Variants in CDH4 observed in about 807,000 individuals in gnomAD.
CDH4 encodes cadherin-4.
A neutral mutation model predicts 86.0 loss-of-function variants in CDH4; 33 were observed. The ratio of observed to expected loss-of-function variants is 0.38; its 90% CI spans 0.29 to 0.51. CDH4 has a LOEUF of 0.51. Among genes scored for constraint, CDH4 ranks in the 20% least tolerant of loss-of-function variants. The pLI is 0.86. For missense variants in CDH4, 1,114 were observed against 1,307.4 expected (o/e 0.85, Z 2.28); for synonymous variants, 555 against 549.4 (o/e 1.01, Z -0.14).
At chr20:61,866,865 A>C (rs548229200) in intron 6 of CDH4, among the ~76,000 whole-genome samples, 9 of 152,390 alleles carry the variant, frequency 5.9e-5, no homozygotes, top group African/African-American at 2.2e-4. Flanking sequence ...TAGATGGAGC[A>C]TGTTTTCGCA....
chr20:61,738,394 C>G (rs1421049067), intron 2 of CDH4: 3 of 152,064 alleles, frequency 2.0e-5, no homozygotes. Context: ...GGAGGATTTC[C>G]CTCTGTGGCA....
intron 6 of CDH4, among the ~76,000 whole-genome samples, chr20:61,870,618 A>T (rs1983762419): frequency 6.6e-6 from 1 of 152,200 alleles, no homozygotes; most frequent in African/African-American, 2.4e-5. Flanking sequence ...TTCACAGACG[A>T]AAATGCCGGG....
chr20:61,628,714 G>A (rs545144282), intron 2 of CDH4, among the ~76,000 whole-genome samples: 3 of 152,176 alleles, frequency 2.0e-5, no homozygotes, highest in African/African-American at 4.8e-5. Flanking sequence ...CTAGACTCAC[G>A]CCCACTGACT....
At chr20:61,858,771 C>T (rs1292733321) in intron 6 of CDH4, among the ~76,000 whole-genome samples, 4 of 152,156 alleles carry the variant, frequency 2.6e-5, no homozygotes, top group East Asian at 1.9e-4. Context: ...CGTAGAATTC[C>T]GTGGCCTGGG....
chr20:61,901,216 G>GAGC (rs1568876437), intron 8 of CDH4, among the ~76,000 whole-genome samples: 10 of 73,560 alleles, frequency 1.4e-4, no homozygotes, highest in Admixed American at 3.1e-4. Flanking sequence ...GCAGGAGCAG[G>GAGC]AGGAGTAGGG....
rs1362604768 is a variant in CDH4 at position 61,938,256 on chromosome 20, T to TTGAC, written c.*1315_*1318dup. 6.6e-6 allele frequency: 1 copy of TTGAC among 152,252 alleles called. No homozygotes were observed. Among genetic ancestry groups the TTGAC allele is most frequent in the African/African-American group, 2.4e-5 (1 of 41,390 alleles). The allele number at this position is 152,252 out of a possible 1,614,324, so 9.4% of individuals were successfully genotyped here. A position where few individuals can be genotyped will look rare whatever the true frequency, so the allele number is the denominator to read the frequency against. ...TGGCACTGCTATCTCCAGGGCTGGG[T>TTGAC]TGACTCAAGCCAGACAGGGGGAAGG... On this transcript the variant is annotated 3_prime_UTR_variant, in exon 16 of 16. Transcript: ENST00000614565.
chr20:61,396,306 C>G lies in CDH4; in HGVS notation c.169+141369C>G, dbSNP rs7269354. On this transcript the variant is annotated intron_variant, in intron 2 of 15. Transcript: ENST00000614565. ...TTCCAGGGCCCTTGAAGACCGAGGT[C>G]GAGGCCCCTTCCTTGGAGACCTAGC... 3.9e-5 allele frequency among the ~76,000 whole-genome samples: 6 copies of G among 152,068 alleles called. No homozygotes were observed. The East Asian group carries it at 1.2e-3, about 29-fold the overall frequency.
chr20:61,467,404 TG>T (rs1244706466), intron 2 of CDH4, among the ~76,000 whole-genome samples: 1 of 152,228 alleles, frequency 6.6e-6, no homozygotes, highest in African/African-American at 2.4e-5. Flanking sequence ...TGAATTATTT[TG>T]GGTACTCTGT....
In CDH4 at chr20:61,810,337, C is replaced by T. The variant is rs1023283708; in HGVS notation, c.577-34331C>T. Among the ~76,000 whole-genome samples, 1 of 152,212 alleles carries T rather than the reference C, an allele frequency of 6.6e-6. No individual in the cohort carries two copies. Among genetic ancestry groups the T allele is most frequent in the African/African-American group, 2.4e-5 (1 of 41,454 alleles). Reference sequence around the variant, plus strand: ...GGCTGTCGTCCCCCCCATGAGCCTGCTGTGTGTGTCTGTGACAGAGTTCCT... The same window carrying T: ...GGCTGTCGTCCCCCCCATGAGCCTGTTGTGTGTGTCTGTGACAGAGTTCCT... On this transcript the variant is annotated intron_variant, in intron 4 of 15. Transcript: ENST00000614565. The surrounding 1 kb of genome is among the most constrained non-coding windows in gnomAD (Gnocchi z 4.3).
intron 3 of CDH4, among the ~76,000 whole-genome samples, chr20:61,766,871 A>G (rs1187258997): frequency 1.3e-5 from 2 of 152,120 alleles, no homozygotes; most frequent in African/African-American, 2.4e-5. Flanking sequence ...TCTGTCCCCA[A>G]GTCCCCAGTG....
chr20:61,619,545 C>A (rs1307434320), intron 2 of CDH4, among the ~76,000 whole-genome samples: 1 of 152,220 alleles, frequency 6.6e-6, no homozygotes, highest in Non-Finnish European at 1.5e-5. Flanking sequence ...TGGCCCCGGG[C>A]CACCCCTCAC....
At chr20:61,601,119 A>G (rs2427167) in intron 2 of CDH4, among the ~76,000 whole-genome samples, 150,319 of 152,334 alleles carry the variant, frequency 0.99, 74,173 homozygotes, top group East Asian at 1. Flanking sequence ...CAGGCATGGC[A>G]CCGGCATCTG....
intron 2 of CDH4, among the ~76,000 whole-genome samples, chr20:61,625,572 C>T (rs546390207): frequency 1.1e-4 from 16 of 152,240 alleles, no homozygotes; most frequent in African/African-American, 3.9e-4. Context: ...TCAATGAAAA[C>T]AAATCTCAAA....
intron 2 of CDH4, among the ~76,000 whole-genome samples, chr20:61,326,239 A>C (rs982240290): frequency 2.0e-5 from 3 of 152,230 alleles, no homozygotes; most frequent in African/African-American, 7.2e-5. Flanking sequence ...CTTAGCCCAA[A>C]GTTTAGCTCA....
intron 4 of CDH4, among the ~76,000 whole-genome samples, chr20:61,780,469 T>C (rs1281519664): frequency 6.6e-6 from 1 of 152,160 alleles, no homozygotes; most frequent in Admixed American, 6.5e-5. Flanking sequence ...CTAAAGCTCC[T>C]TGAGGAGCAC....
intron 2 of CDH4, among the ~76,000 whole-genome samples, chr20:61,329,013 G>A (rs983198375): frequency 2.6e-5 from 4 of 152,238 alleles, no homozygotes; most frequent in Non-Finnish European, 4.4e-5. Context: ...AACCGTGCTC[G>A]GAACACTTGC....
chr20:61,647,542 T>TCTCTCTCTCTCTCTCTCTCTCTCTCC lies in CDH4; in HGVS notation c.170-96018_170-96017insTCTCTCTCTCTCTCTCTCTCTCCCTC. 1.0e-3 allele frequency among the ~76,000 whole-genome samples: 112 copies of TCTCTCTCTCTCTCTCTCTCTCTCTCC among 108,274 alleles called. 14 individuals are homozygous for TCTCTCTCTCTCTCTCTCTCTCTCTCC. Among genetic ancestry groups the TCTCTCTCTCTCTCTCTCTCTCTCTCC allele is most frequent in the African/African-American group, 2.2e-3 (65 of 29,378 alleles). The allele number at this position is 108,274 out of a possible 152,430, so 71.0% of individuals were successfully genotyped here. A position where few individuals can be genotyped will look rare whatever the true frequency, so the allele number is the denominator to read the frequency against. On this transcript the variant is annotated intron_variant, in intron 2 of 15. Coordinates refer to ENST00000614565, the MANE Select transcript of CDH4 (RefSeq NM_001794.5). ...CACACATATTCTCTCTCCCTCTCCC[T>TCTCTCTCTCTCTCTCTCTCTCTCTCC]CTCCCTCTCCCTCTCCCTCTCCCTC...
chr20:61,283,567 T>A, intron 2 of CDH4, among the ~76,000 whole-genome samples: 1 of 144,796 alleles, frequency 6.9e-6, no homozygotes, highest in South Asian at 2.2e-4. Context: ...GTGATGTAGG[T>A]GCATTTGCAC....
At chr20:61,918,944 C>A (rs1476462794) in intron 9 of CDH4, among the ~76,000 whole-genome samples, 2 of 152,204 alleles carry the variant, frequency 1.3e-5, no homozygotes, top group African/African-American at 4.8e-5. Flanking sequence ...GATCACTGCT[C>A]ACTGCAGCCT....
Sources: gnomAD v4.1 joint callset for allele counts (sites outside exome capture counted in the v4.1 genomes callset) on GRCh38, gnomAD v4.1.1 for gene constraint, Gnocchi (gnomAD v3.1) non-coding constraint, MANE v1.5 for transcripts, NCBI Gene and HGNC (gene_info 2026-07-23, HGNC 2026-07-21) for gene names.